Variants in UBE4A observed in about 807,000 individuals in gnomAD.
UBE4A encodes ubiquitination factor E4A, also known as ubiquitin conjugation factor E4 A.
UBE4A carries 48 observed loss-of-function variants against 117.9 expected under a neutral mutation model. That is an observed-to-expected ratio of 0.41 (90% CI 0.32 to 0.52). The LOEUF (loss-of-function observed/expected upper bound fraction) is 0.52. UBE4A is among the 20% of genes least tolerant of loss of function. The pLI is 0.33. For synonymous variants in UBE4A, 407 were observed against 450.0 expected (o/e 0.90, Z 1.21); for missense variants, 1,067 against 1,296.3 (o/e 0.82, Z 2.72).
chr11:118,388,524 C>T (rs1382384751), intron 16 of UBE4A, among the ~76,000 whole-genome samples: 1 of 151,930 alleles, frequency 6.6e-6, no homozygotes, highest in Admixed American at 6.6e-5. Flanking sequence ...TGGCATGTGC[C>T]TGTAGTCCCA....
At chr11:118,383,672 C>T (rs1324990576) in intron 13 of UBE4A, among the ~76,000 whole-genome samples, 1 of 150,706 alleles carries the variant, frequency 6.6e-6, no homozygotes, top group Non-Finnish European at 1.5e-5. Context: ...TTAAACAGTA[C>T]CCTGTCTCAA....
intron 16 of UBE4A, among the ~76,000 whole-genome samples, chr11:118,387,731 G>A (rs1555127475): frequency 2.0e-5 from 3 of 152,220 alleles, no homozygotes; most frequent in Non-Finnish European, 4.4e-5. Context: ...TGTTACCATA[G>A]TTTAAGTATC....
intron 8 of UBE4A, 126 bp downstream of exon 8, chr11:118,373,811 C>A: frequency 8.5e-7 from 1 of 1,180,596 alleles, no homozygotes; most frequent in Non-Finnish European, 1.1e-6. Context: ...TTTTACATCA[C>A]ATAAATAAAT....
At chr11:118,381,658 G>C in intron 12 of UBE4A, 135 bp downstream of exon 12, 1 of 1,206,432 alleles carries the variant, frequency 8.3e-7, no homozygotes, top group Non-Finnish European at 1.1e-6. Flanking sequence ...GGAATCACCT[G>C]ACCATCCATA....
At chr11:118,382,890 C>A in intron 13 of UBE4A, 114 bp downstream of exon 13, 1 of 967,118 alleles carries the variant, frequency 1.0e-6, no homozygotes, top group South Asian at 3.7e-5. Flanking sequence ...TATTGAATAC[C>A]TACTATATGC....
chr11:118,382,592 G>A lies in UBE4A; in HGVS notation c.2013G>A (p.Met671Ile). ...ITIFTGSIER[M>I]KNPHLRAKLA... ...TTGCTTTTTGCCCATTTTGCAGAAT[G>A]AAGAATCCCCACCTGAGGGCCAAAC... The change falls in exon 13 of 20, where the codon ATG becomes ATA. Residue 671 changes from methionine (M) to isoleucine (I), a missense_variant. Coordinates refer to ENST00000252108, the MANE Select transcript of UBE4A (RefSeq NM_001204077.2). 6.5e-7 allele frequency: 1 copy of A among 1,536,526 alleles called. No homozygotes were observed. Among genetic ancestry groups the A allele is most frequent in the Non-Finnish European group, 8.8e-7 (1 of 1,133,086 alleles).
chr11:118,363,844 C>G (rs1238549807), intron 1 of UBE4A, among the ~76,000 whole-genome samples: 1 of 152,162 alleles, frequency 6.6e-6, no homozygotes, highest in Non-Finnish European at 1.5e-5. Context: ...TCTTGAACTC[C>G]TGACCTCAGG....
Position 118,398,067 on chromosome 11 carries a change from T to C in UBE4A, c.*1627T>C, listed in dbSNP as rs1277355945. 1 of 152,646 alleles carries C rather than the reference T, an allele frequency of 6.6e-6. No homozygotes were observed. The highest frequency in any genetic ancestry group is 1.5e-5 in the Non-Finnish European group (1 of 68,048). The allele number at this position is 152,646 out of a possible 1,614,324, so 9.5% of individuals were successfully genotyped here. A position where few individuals can be genotyped will look rare whatever the true frequency, so the allele number is the denominator to read the frequency against. ...AATTAGCTTCATTCAATATTTATCATCCTCCTTTCCCTCTCTGAGAATGAA... is the reference window on the plus strand; with the variant it reads ...AATTAGCTTCATTCAATATTTATCACCCTCCTTTCCCTCTCTGAGAATGAA... On this transcript the variant is annotated 3_prime_UTR_variant, in exon 20 of 20. Transcript: ENST00000252108.
intron 16 of UBE4A, 96 bp downstream of exon 16, chr11:118,386,708 C>A: frequency 7.6e-7 from 1 of 1,322,298 alleles, no homozygotes; most frequent in Non-Finnish European, 1.0e-6. Context: ...AATTCAGACC[C>A]TGGTGACAGT....
At chr11:118,362,761 T>G (rs1948530427) in intron 1 of UBE4A, among the ~76,000 whole-genome samples, 1 of 152,236 alleles carries the variant, frequency 6.6e-6, no homozygotes, top group African/African-American at 2.4e-5. Flanking sequence ...TTTCCGTAGA[T>G]TCAGCTGAAG....
chr11:118,378,052 C>T (rs1244419570), intron 10 of UBE4A, among the ~76,000 whole-genome samples: 3 of 152,020 alleles, frequency 2.0e-5, no homozygotes, highest in Non-Finnish European at 4.4e-5. Flanking sequence ...TCAAGACCGT[C>T]CTAGCTAACA....
At position 118,398,712 on chromosome 11, in the gene UBE4A, C is replaced by G. The variant is rs1384566517; in HGVS notation, c.*2272C>G. On this transcript the variant is annotated 3_prime_UTR_variant, in exon 20 of 20. Transcript: ENST00000252108. ...GCAAAATGAAGACTCTTTTACTCAG[C>G]TCTGGTATTGCTCATAACTTACCAA... The G allele has an allele frequency of 6.3e-6, 1 of 157,812 alleles. No individual in the cohort carries two copies. Among genetic ancestry groups the G allele is most frequent in the Non-Finnish European group, 1.4e-5 (1 of 71,334 alleles). The allele number at this position is 157,812 out of a possible 1,614,324, so 9.8% of individuals were successfully genotyped here. A position where few individuals can be genotyped will look rare whatever the true frequency, so the allele number is the denominator to read the frequency against.
In UBE4A at chr11:118,374,960, A is replaced by G; in HGVS notation, c.1181A>G (p.Glu394Gly). 3.1e-6 allele frequency: 5 copies of G among 1,589,842 alleles called. No homozygotes were observed. Among genetic ancestry groups the G allele is most frequent in the Non-Finnish European group, 4.3e-6 (5 of 1,165,452 alleles). The change falls in exon 9 of 20, where the codon GAA (glutamate) becomes GGA (glycine). Residue 394 changes from glutamate to glycine, a missense_variant. Transcript: ENST00000252108. ...AAGAACTTACTCCAGCTCTCTCCAG[A>G]AACCAAACACTGTATCTTGTCCTGG... ...MLKNLLQLSP[E>G]TKHCILSWLG...
chr11:118,384,478 G>A (rs1555126827), intron 13 of UBE4A, among the ~76,000 whole-genome samples, 157 bp from the exon 14 acceptor site: 1 of 152,182 alleles, frequency 6.6e-6, no homozygotes, highest in Admixed American at 6.5e-5. Flanking sequence ...AACACTTGGC[G>A]ATAACTCTAG....
At chr11:118,379,334 A>G in intron 10 of UBE4A, 112 bp from the exon 11 acceptor site, 1 of 1,237,382 alleles carries the variant, frequency 8.1e-7, no homozygotes, top group South Asian at 1.4e-5. Context: ...TGTCATTGCA[A>G]CTGCAACTCC....
rs782103257 is a variant in UBE4A, at chr11:118,384,961, A to T, written c.2412+16A>T. Reference sequence around the variant, plus strand: ...AGCCATACAGGTAAAAAAAAAAAAAAAAAAAAAGATTTAACTTCTCCATAC... The same window carrying T: ...AGCCATACAGGTAAAAAAAAAAAAATAAAAAAAGATTTAACTTCTCCATAC... On this transcript the variant is annotated intron_variant, in intron 15 of 19. Coordinates refer to ENST00000252108, the MANE Select transcript of UBE4A (RefSeq NM_001204077.2). 199 of 1,565,804 alleles carry T rather than the reference A, an allele frequency of 1.3e-4. No homozygotes were observed. Among genetic ancestry groups the T allele is most frequent in the South Asian group, 1.0e-3 (87 of 84,734 alleles).
At chr11:118,361,632 T>G (rs1948521979) in intron 1 of UBE4A, among the ~76,000 whole-genome samples, 1 of 152,182 alleles carries the variant, frequency 6.6e-6, no homozygotes, top group South Asian at 2.1e-4. Flanking sequence ...AACCTTTTTG[T>G]TTTTTACAGA....
rs1948518992 is a variant in UBE4A, at chr11:118,361,259, A to T, written c.-42+1585A>T. 2.0e-5 allele frequency among the ~76,000 whole-genome samples: 3 copies of T among 152,172 alleles called. No individual in the cohort carries two copies. The South Asian group carries it at 6.2e-4, about 31-fold the overall frequency. On this transcript the variant is annotated intron_variant, in intron 1 of 19. Transcript: ENST00000252108. Reference sequence around the variant, plus strand: ...GGTCTCAAACTCCTGACTTCAAGTGATCTGTCTGCCTTGGCCTCCCAAAGT... The same window carrying T: ...GGTCTCAAACTCCTGACTTCAAGTGTTCTGTCTGCCTTGGCCTCCCAAAGT...
At chr11:118,391,498 AAAAAG>A (rs1288457338) in intron 18 of UBE4A, among the ~76,000 whole-genome samples, 1 of 151,414 alleles carries the variant, frequency 6.6e-6, no homozygotes, top group Non-Finnish European at 1.5e-5. Context: ...AAAAAAAAGA[AAAAAG>A]AAATTTAAGG....
Sources: gnomAD v4.1 joint callset for allele counts (sites outside exome capture counted in the v4.1 genomes callset) on GRCh38, gnomAD v4.1.1 for gene constraint, MANE v1.5 for transcripts, NCBI Gene and HGNC (gene_info 2026-07-23, HGNC 2026-07-21) for gene names.